EPB41: variants seen among roughly 807,000 people sequenced by gnomAD.
EPB41 encodes erythrocyte membrane protein band 4.1.
A neutral mutation model predicts 108.0 loss-of-function variants in EPB41; 65 were observed. The ratio of observed to expected loss-of-function variants is 0.60; its 90% CI spans 0.49 to 0.74. The LOEUF is 0.74. Among genes scored for constraint, EPB41 ranks in the 30% least tolerant of loss-of-function variants. The probability of loss-of-function intolerance (pLI) is 0.00; values close to 1 mark genes in which losing one functional copy is unlikely to be tolerated. For synonymous variants in EPB41, 336 were observed against 358.9 expected, an observed-to-expected ratio of 0.94 and a Z score of 0.72; for missense variants, 875 against 1,037.0, an observed-to-expected ratio of 0.84 and a Z score of 2.15.
chr1:29,096,327 G>A (rs1663216383), intron 16 of EPB41: 1 of 985,792 alleles, frequency 1.0e-6, no homozygotes, highest in African/African-American at 1.7e-5. Flanking sequence ...TCCATAAGCA[G>A]CAAGGAGACA....
At chr1:29,060,527 C>T in intron 15 of EPB41, 43 bp downstream of exon 15, 2 of 1,545,040 alleles carry the variant, frequency 1.3e-6, no homozygotes, top group East Asian at 2.2e-5. Context: ...TTGCCTGGAA[C>T]CTTCTGCATT....
At chr1:29,116,230 C>T (rs1670911671) in intron 20 of EPB41, among the ~76,000 whole-genome samples, 1 of 148,594 alleles carries the variant, frequency 6.7e-6, no homozygotes, top group Non-Finnish European at 1.5e-5. Flanking sequence ...TAGCTCACTG[C>T]AACCTCCGCC....
intron 11 of EPB41, among the ~76,000 whole-genome samples, chr1:29,047,251 TCC>T (rs1242793937): frequency 3.6e-5 from 5 of 140,666 alleles, no homozygotes; most frequent in African/African-American, 8.7e-5. Flanking sequence ...TTTCTTTCTT[TCC>T]TTTTTTTTTT....
intron 4 of EPB41, among the ~76,000 whole-genome samples, chr1:29,004,941 G>A (rs1019396259): frequency 6.6e-6 from 1 of 152,110 alleles, no homozygotes; most frequent in Non-Finnish European, 1.5e-5. Flanking sequence ...GTATGCGTGG[G>A]GGTTTTAGGA....
At chr1:28,901,227 CTATT>C (rs1388404733) in intron 1 of EPB41, among the ~76,000 whole-genome samples, 10 of 144,586 alleles carry the variant, frequency 6.9e-5, no homozygotes, top group Non-Finnish European at 1.4e-4. Context: ...CTGCACCCGG[CTATT>C]TATTTACTTT....
chr1:29,045,411 T>C (rs1642862437), intron 11 of EPB41, among the ~76,000 whole-genome samples: 1 of 152,088 alleles, frequency 6.6e-6, no homozygotes, highest in Non-Finnish European at 1.5e-5. Context: ...TGGAGTGCGA[T>C]GGAGCGATCA....
At chr1:29,097,382 C>T (rs1663568919) in intron 16 of EPB41, 2 of 202,112 alleles carry the variant, frequency 9.9e-6, no homozygotes, top group Non-Finnish European at 2.0e-5. Flanking sequence ...ATTCCATTGC[C>T]ACTGCTGTTT....
rs1290957540 is a variant in EPB41, at chr1:28,987,563, A to C, written c.126A>C (p.Ala42=). ...AGCAGGAGGAATCTTGTCAAACAGC[A>C]GCTGAAGGAGATAATTGGTGTGAAC... ...EPQQEESCQT[A]AEGDNWCEQK... Residue 42 remains alanine (A), a synonymous_variant, in exon 2 of 21, where the codon GCA becomes GCC. Transcript: ENST00000343067. 7.4e-6 allele frequency: 12 copies of C among 1,614,222 alleles called. No individual in the cohort carries two copies. The Middle Eastern group carries it at 6.6e-4, about 89-fold the overall frequency.
intron 1 of EPB41, among the ~76,000 whole-genome samples, chr1:28,904,282 A>ATAT (rs1445815667): frequency 6.6e-6 from 1 of 151,710 alleles, no homozygotes; most frequent in East Asian, 1.9e-4. Flanking sequence ...CCCAGTGCCC[A>ATAT]ATAAATGTGT....
At chr1:29,088,823 C>T (rs1434417821) in intron 16 of EPB41, among the ~76,000 whole-genome samples, 1 of 152,108 alleles carries the variant, frequency 6.6e-6, no homozygotes, top group Non-Finnish European at 1.5e-5. Flanking sequence ...TAGGACATGT[C>T]CTGAAGCTGG....
At chr1:29,109,088 C>G (rs1251737106) in intron 17 of EPB41, among the ~76,000 whole-genome samples, 1 of 151,676 alleles carries the variant, frequency 6.6e-6, no homozygotes, top group African/African-American at 2.4e-5. Flanking sequence ...ATCCCAGCTA[C>G]TCAGGAGGCT....
intron 1 of EPB41, among the ~76,000 whole-genome samples, chr1:28,909,069 G>A (rs181200056): frequency 6.1e-5 from 9 of 148,064 alleles, no homozygotes; most frequent in African/African-American, 2.2e-4. Context: ...TGAGGCAGGA[G>A]AATCTCTTGA....
chr1:29,110,956 C>G (rs955420698), intron 18 of EPB41, among the ~76,000 whole-genome samples: 4 of 151,846 alleles, frequency 2.6e-5, no homozygotes, highest in Non-Finnish European at 5.9e-5. Flanking sequence ...CACCTGAGAT[C>G]AGGAGTTCAA....
intron 1 of EPB41, among the ~76,000 whole-genome samples, chr1:28,976,422 A>G (rs1385748981): frequency 6.6e-6 from 1 of 152,180 alleles, no homozygotes. Flanking sequence ...TGGCAGGATC[A>G]TGACTCACTG....
chr1:29,047,927 G>T lies in EPB41; in HGVS notation c.1637-5177G>T, dbSNP rs968597444. On this transcript the variant is annotated intron_variant, in intron 11 of 20. Transcript: ENST00000343067. ...GCCTCCCAAGTAGCTGGGATTACAGGCATGCGCCACCATGCCCGGCTAATT... is the reference window on the plus strand; with the variant it reads ...GCCTCCCAAGTAGCTGGGATTACAGTCATGCGCCACCATGCCCGGCTAATT... 9.9e-5 allele frequency among the ~76,000 whole-genome samples: 15 copies of T among 151,890 alleles called. No individual in the cohort carries two copies. The East Asian group carries it at 2.9e-3, about 30-fold the overall frequency.
At chr1:28,922,613 T>C (rs1436831755) in intron 1 of EPB41, among the ~76,000 whole-genome samples, 1 of 142,092 alleles carries the variant, frequency 7.0e-6, no homozygotes, top group African/African-American at 2.6e-5. Flanking sequence ...TAAAATTTTT[T>C]CTTAGAGACA....
intron 1 of EPB41, among the ~76,000 whole-genome samples, chr1:28,952,753 T>C (rs1447962660): frequency 6.6e-6 from 1 of 152,234 alleles, no homozygotes; most frequent in Non-Finnish European, 1.5e-5. Context: ...AGACAAGGGC[T>C]ATTATCTAGG....
chr1:28,977,915 TG>T (rs1429865055), intron 1 of EPB41, among the ~76,000 whole-genome samples: 1 of 152,102 alleles, frequency 6.6e-6, no homozygotes, highest in Non-Finnish European at 1.5e-5. Flanking sequence ...CAGAGCTAAC[TG>T]AAAGTATCAG....
chr1:29,039,524 A>C, intron 11 of EPB41, 98 bp downstream of exon 11: 6 of 1,501,046 alleles, frequency 4.0e-6, no homozygotes, highest in Non-Finnish European at 4.5e-6. Context: ...AAAGAAGCTC[A>C]GGGTTGGGCC....
Sources: gnomAD v4.1 joint callset for allele counts (sites outside exome capture counted in the v4.1 genomes callset) on GRCh38, gnomAD v4.1.1 for gene constraint, MANE v1.5 for transcripts, NCBI Gene and HGNC (gene_info 2026-07-23, HGNC 2026-07-21) for gene names.